LAPTM4B: variants seen among roughly 807,000 people sequenced by gnomAD.
The protein encoded by LAPTM4B is lysosomal protein transmembrane 4 beta, also known as lysosomal-associated transmembrane protein 4B.
A neutral mutation model predicts 28.5 loss-of-function variants in LAPTM4B; 26 were observed. The ratio of observed to expected loss-of-function variants is 0.91; its 90% confidence interval spans 0.67 to 1.27. LAPTM4B has a LOEUF of 1.27. Ranked by LOEUF, LAPTM4B falls within the 50% of genes most tolerant of loss-of-function variation. LAPTM4B has a pLI of 0.00. For missense variants in LAPTM4B, 288 were observed against 285.8 expected (o/e 1.01, Z -0.06); for synonymous variants, 109 against 106.4 (o/e 1.02, Z -0.15).
intron 2 of LAPTM4B, among the ~76,000 whole-genome samples, chr8:97,808,543 C>A (rs1010905082): frequency 1.3e-5 from 2 of 152,060 alleles, no homozygotes; most frequent in African/African-American, 4.8e-5. Context: ...AACCTTTGGC[C>A]TATGAGCTTA....
At chr8:97,787,285 T>C (rs1184469571) in intron 1 of LAPTM4B, among the ~76,000 whole-genome samples, 1 of 134,984 alleles carries the variant, frequency 7.4e-6, no homozygotes, top group African/African-American at 2.5e-5. Flanking sequence ...AGATGTTTCT[T>C]TCTTTTTTTT....
At position 97,817,720 on chromosome 8, in the gene LAPTM4B, G is replaced by GCCC. The variant is rs1816943571; in HGVS notation, c.409-1420_409-1419insCCC. 2.0e-5 allele frequency among the ~76,000 whole-genome samples: 3 copies of GCCC among 151,758 alleles called. No homozygotes were observed. The South Asian group carries it at 6.3e-4, about 32-fold the overall frequency. On this transcript the variant is annotated intron_variant, in intron 4 of 6. Transcript: ENST00000521545. ...CCTCATCGGCCTCCCAGAGTGCTAG[G>GCCC]AATACAGGCGCCCACTACCATGCCT...
intron 5 of LAPTM4B, among the ~76,000 whole-genome samples, chr8:97,822,850 A>AT (rs1251542872): frequency 6.7e-6 from 1 of 148,682 alleles, no homozygotes; most frequent in Non-Finnish European, 1.5e-5. Flanking sequence ...TTTTTTATTT[A>AT]TTTTTTTTGA....
intron 1 of LAPTM4B, among the ~76,000 whole-genome samples, chr8:97,795,837 TAAAA>T (rs1190473113): frequency 8.8e-6 from 1 of 114,132 alleles, no homozygotes; most frequent in Non-Finnish European, 1.7e-5. Context: ...ACTCTGTCTT[TAAAA>T]AAAAAAAAAA....
chr8:97,778,733 A>G (rs1270316954), intron 1 of LAPTM4B, among the ~76,000 whole-genome samples: 1 of 151,942 alleles, frequency 6.6e-6, no homozygotes, highest in Non-Finnish European at 1.5e-5. Context: ...TGTTTTAACT[A>G]GACTCTCCCC....
chr8:97,792,679 A>G (rs1483095370), intron 1 of LAPTM4B, among the ~76,000 whole-genome samples: 2 of 152,084 alleles, frequency 1.3e-5, no homozygotes, highest in Non-Finnish European at 2.9e-5. Flanking sequence ...TCCCAGGTCC[A>G]AGTGATTCTT....
chr8:97,838,480 C>T (rs1196986113), intron 6 of LAPTM4B, among the ~76,000 whole-genome samples: 1 of 152,238 alleles, frequency 6.6e-6, no homozygotes, highest in East Asian at 1.9e-4. Flanking sequence ...CACAAGAGTC[C>T]TTCACGTACT....
rs955904344 is a variant in LAPTM4B at position 97,805,470 on chromosome 8, T to C, written c.211+6T>C. The C allele has an allele frequency of 2.7e-6, 4 of 1,508,964 alleles. No homozygotes were observed. Among genetic ancestry groups the C allele is most frequent in the Non-Finnish European group, 3.7e-6 (4 of 1,085,998 alleles). 93.5% of individuals were successfully genotyped at this position (1,508,964 alleles called of 1,614,324 possible). ...TGAGTTCATGGATGATGCCAGTAAG[T>C]AGTAGATATTTGGGTATTTTCAAGG... On this transcript the variant is annotated splice_donor_region_variant and intron_variant, in intron 2 of 6. Coordinates refer to ENST00000521545, the MANE Select transcript of LAPTM4B (RefSeq NM_018407.6).
chr8:97,804,417 T>C (rs985277342), intron 1 of LAPTM4B, among the ~76,000 whole-genome samples: 3 of 152,128 alleles, frequency 2.0e-5, no homozygotes, highest in African/African-American at 7.2e-5. Flanking sequence ...GATGATCAAG[T>C]TTCGTATATG....
chr8:97,822,277 G>A (rs1401049893), intron 5 of LAPTM4B, among the ~76,000 whole-genome samples: 1 of 151,188 alleles, frequency 6.6e-6, no homozygotes, highest in Non-Finnish European at 1.5e-5. Flanking sequence ...GCTTGTTTTT[G>A]GTCAGTCTCC....
chr8:97,801,142 A>G (rs973052558), intron 1 of LAPTM4B, among the ~76,000 whole-genome samples: 1 of 151,456 alleles, frequency 6.6e-6, no homozygotes, highest in African/African-American at 2.4e-5. Context: ...TTATGATAAC[A>G]ATAATGGAGT....
At chr8:97,796,058 GCC>G (rs35474694) in intron 1 of LAPTM4B, among the ~76,000 whole-genome samples, 1 of 151,960 alleles carries the variant, frequency 6.6e-6, no homozygotes, top group Non-Finnish European at 1.5e-5. Flanking sequence ...TCTTGCCTTG[GCC>G]CCCCCAGTAG....
In LAPTM4B at chr8:97,778,049, A is replaced by G. The variant is rs146769436; in HGVS notation, c.99+1941A>G. Among the ~76,000 whole-genome samples, 14 of 152,340 alleles carry G rather than the reference A, an allele frequency of 9.2e-5. No individual in the cohort carries two copies. In the East Asian group the frequency reaches 2.5e-3, roughly 27 times the overall value. Reference sequence around the variant, plus strand: ...TGGCTGTAATCCAACCAGACAGTGTAGGTGTGATAAAAGGAGAGTACTCAG... The same window carrying G: ...TGGCTGTAATCCAACCAGACAGTGTGGGTGTGATAAAAGGAGAGTACTCAG... On this transcript the variant is annotated intron_variant, in intron 1 of 6. Coordinates refer to ENST00000521545, the MANE Select transcript of LAPTM4B (RefSeq NM_018407.6).
At chr8:97,836,207 G>C (rs34673051) in intron 6 of LAPTM4B, among the ~76,000 whole-genome samples, 59,555 of 151,768 alleles carry the variant, frequency 0.39, 12,277 homozygotes, top group Non-Finnish European at 0.46. Context: ...TTTGTTTTTT[G>C]AGTCTCGCTC....
At chr8:97,844,500 A>G (rs1282098257) in intron 6 of LAPTM4B, among the ~76,000 whole-genome samples, 1 of 152,140 alleles carries the variant, frequency 6.6e-6, no homozygotes, top group Non-Finnish European at 1.5e-5. Flanking sequence ...CCATCCTGAA[A>G]CAGCTTGCAT....
chr8:97,780,869 T>A (rs1272982627), intron 1 of LAPTM4B, among the ~76,000 whole-genome samples: 2 of 152,150 alleles, frequency 1.3e-5, no homozygotes, highest in African/African-American at 4.8e-5. Flanking sequence ...GTATTTATTA[T>A]TATTATTACT....
At chr8:97,798,581 G>A (rs1816626470) in intron 1 of LAPTM4B, among the ~76,000 whole-genome samples, 1 of 152,102 alleles carries the variant, frequency 6.6e-6, no homozygotes, top group South Asian at 2.1e-4. Flanking sequence ...AGAACACAGG[G>A]CTAGAGGTAG....
chr8:97,844,472 G>T (rs1057406524), intron 6 of LAPTM4B, among the ~76,000 whole-genome samples: 21 of 152,174 alleles, frequency 1.4e-4, no homozygotes, highest in African/African-American at 5.1e-4. Context: ...GGAATTCATT[G>T]GTGTTAACAT....
At chr8:97,781,225 C>T (rs1441795753) in intron 1 of LAPTM4B, among the ~76,000 whole-genome samples, 1 of 148,470 alleles carries the variant, frequency 6.7e-6, no homozygotes, top group Non-Finnish European at 1.5e-5. Flanking sequence ...GTGATCCATC[C>T]GCCTTGGCCT....
Sources: gnomAD v4.1 joint callset for allele counts (sites outside exome capture counted in the v4.1 genomes callset) on GRCh38, gnomAD v4.1.1 for gene constraint, MANE v1.5 for transcripts, NCBI Gene and HGNC (gene_info 2026-07-23, HGNC 2026-07-21) for gene names.